Variants in WDR70 observed in about 807,000 individuals in gnomAD.
WDR70 encodes WD repeat domain 70.
In WDR70, 53 loss-of-function variants were observed where a neutral mutation model predicts 88.6. The ratio of observed to expected loss-of-function variants is 0.60; its 90% CI spans 0.48 to 0.75. The LOEUF is 0.75. WDR70 is among the 30% of genes least tolerant of loss of function. The pLI is 0.00. For missense variants in WDR70, 610 were observed against 823.2 expected, an observed-to-expected ratio of 0.74 and a Z score of 3.17; for synonymous variants, 280 against 270.0, an observed-to-expected ratio of 1.04 and a Z score of -0.36.
At chr5:37,659,124 T>G (rs947909768) in intron 10 of WDR70, among the ~76,000 whole-genome samples, 4 of 152,216 alleles carry the variant, frequency 2.6e-5, no homozygotes, top group Admixed American at 6.5e-5. Context: ...TGCAAGAATG[T>G]TATTATTTCC....
chr5:37,680,459 A>G (rs187294295), intron 10 of WDR70, among the ~76,000 whole-genome samples: 15 of 152,312 alleles, frequency 9.8e-5, no homozygotes, highest in Non-Finnish European at 1.3e-4. Context: ...CATGTTCATC[A>G]TGAAATCTTT....
chr5:37,739,752 G>T (rs943754516), intron 17 of WDR70, among the ~76,000 whole-genome samples: 3 of 152,028 alleles, frequency 2.0e-5, no homozygotes, highest in African/African-American at 7.2e-5. Context: ...CCATCAACCT[G>T]TCATCTACAA....
chr5:37,400,239 A>G (rs995902133), intron 5 of WDR70, among the ~76,000 whole-genome samples: 2 of 152,114 alleles, frequency 1.3e-5, no homozygotes, highest in Admixed American at 1.3e-4. Context: ...TGGCCAGAAT[A>G]CAGTGTTTAT....
chr5:37,380,374 A>G (rs2111836766), intron 2 of WDR70, among the ~76,000 whole-genome samples: 1 of 151,382 alleles, frequency 6.6e-6, no homozygotes, highest in Non-Finnish European at 1.5e-5. Flanking sequence ...AGTCTCGCTC[A>G]GTCGCCCAGG....
intron 9 of WDR70, among the ~76,000 whole-genome samples, chr5:37,588,845 C>A (rs1053036070): frequency 1.3e-5 from 2 of 151,990 alleles, no homozygotes; most frequent in Non-Finnish European, 2.9e-5. Context: ...CTCATTGTAA[C>A]CCTCTGCCTC....
intron 17 of WDR70, among the ~76,000 whole-genome samples, chr5:37,729,649 C>T (rs1454443507): frequency 6.6e-6 from 1 of 152,158 alleles, no homozygotes; most frequent in Admixed American, 6.6e-5. Flanking sequence ...TTGTCTTTAG[C>T]CTTAAAGTAT....
At chr5:37,427,867 C>T (rs1750182979) in intron 5 of WDR70, among the ~76,000 whole-genome samples, 1 of 152,206 alleles carries the variant, frequency 6.6e-6, no homozygotes, top group Non-Finnish European at 1.5e-5. Flanking sequence ...GAAACTCCGT[C>T]TCATAAAAGA....
chr5:37,616,816 G>A (rs1744358102), intron 10 of WDR70, among the ~76,000 whole-genome samples: 2 of 152,264 alleles, frequency 1.3e-5, no homozygotes, highest in African/African-American at 4.8e-5. Context: ...ATGAATGAAT[G>A]CTATCAGAGC....
rs557482700 is a variant in WDR70, at chr5:37,485,252, G to T, written c.840+5265G>T. Reference sequence around the variant, plus strand: ...TTAGATTGTCTACGAAAATACAGTCGATCCTCCTTGTTTTCAGCTTTTGTA... The same window carrying T: ...TTAGATTGTCTACGAAAATACAGTCTATCCTCCTTGTTTTCAGCTTTTGTA... On this transcript the variant is annotated intron_variant, in intron 8 of 17. Coordinates refer to ENST00000265107, the MANE Select transcript of WDR70 (RefSeq NM_018034.4). Among the ~76,000 whole-genome samples the T allele has an allele frequency of 2.0e-3, 305 of 152,098 alleles. 2 individuals carry two copies. Among genetic ancestry groups the T allele is most frequent in the Admixed American group, 4.3e-3 (65 of 15,284 alleles).
intron 10 of WDR70, among the ~76,000 whole-genome samples, chr5:37,663,440 C>T (rs996615051): frequency 3.3e-5 from 5 of 152,070 alleles, no homozygotes; most frequent in South Asian, 4.1e-4. Context: ...CTCTTAAGTC[C>T]GACCTGAAAA....
chr5:37,669,404 A>AAC (rs1745957289), intron 10 of WDR70, among the ~76,000 whole-genome samples: 2 of 151,862 alleles, frequency 1.3e-5, no homozygotes, highest in Non-Finnish European at 2.9e-5. Context: ...TTTTTTTAAA[A>AAC]AAAAAAAAAC....
At chr5:37,528,100 A>T (rs1741358097) in intron 9 of WDR70, among the ~76,000 whole-genome samples, 1 of 152,246 alleles carries the variant, frequency 6.6e-6, no homozygotes, top group African/African-American at 2.4e-5. Context: ...AACTAGAAAC[A>T]GCATTTGACC....
intron 10 of WDR70, among the ~76,000 whole-genome samples, chr5:37,677,509 G>T (rs1746269605): frequency 6.6e-6 from 1 of 152,144 alleles, no homozygotes; most frequent in Admixed American, 6.5e-5. Context: ...AGTCATTCAG[G>T]AGCAGGTTGT....
chr5:37,651,030 G>C (rs1745395642), intron 10 of WDR70, among the ~76,000 whole-genome samples: 1 of 150,170 alleles, frequency 6.7e-6, no homozygotes, highest in African/African-American at 2.5e-5. Flanking sequence ...TGTTACATAA[G>C]TGTACACATG....
chr5:37,670,882 G>A (rs1029521759), intron 10 of WDR70, among the ~76,000 whole-genome samples: 50 of 152,230 alleles, frequency 3.3e-4, no homozygotes, highest in African/African-American at 1.1e-3. Context: ...ACAATATTTG[G>A]CATGTAAATA....
intron 9 of WDR70, 135 bp downstream of exon 9, chr5:37,516,725 A>ATT (rs71904509): frequency 0.041 from 5,224 of 127,880 alleles, 159 homozygotes; most frequent in Admixed American, 0.067. Flanking sequence ...ATATATATAT[A>ATT]TTTTTTTTTT....
intron 10 of WDR70, among the ~76,000 whole-genome samples, chr5:37,694,615 A>G (rs979813929): frequency 6.6e-6 from 1 of 151,918 alleles, no homozygotes; most frequent in Non-Finnish European, 1.5e-5. Context: ...CAAACACTGC[A>G]TGTTCTCACT....
rs188944013 is a variant in WDR70, at chr5:37,476,573, C to T, written c.687-3261C>T. On this transcript the variant is annotated intron_variant, in intron 7 of 17. Transcript: ENST00000265107. ...TCTTCTTCTTTTTTTTTTTCTGAGA[C>T]GGAGTCTCGCTCTGTCACCTAGGCT... Among the ~76,000 whole-genome samples, 278 of 147,542 alleles carry T rather than the reference C, an allele frequency of 1.9e-3. 1 individual carries two copies. Among genetic ancestry groups the T allele is most frequent in the Middle Eastern group, 0.011 (3 of 280 alleles).
chr5:37,532,511 C>T (rs1019656283), intron 9 of WDR70, among the ~76,000 whole-genome samples: 7 of 152,012 alleles, frequency 4.6e-5, no homozygotes, highest in Admixed American at 2.6e-4. Flanking sequence ...GCCTTGTCTT[C>T]GAGCCCTGAA....
Sources: allele counts gnomAD v4.1 joint callset (sites outside exome capture counted in the v4.1 genomes callset), GRCh38; gene constraint gnomAD v4.1.1; transcripts MANE v1.5; gene names NCBI Gene and HGNC (gene_info 2026-07-23, HGNC 2026-07-21).